Variants in HEYL observed in about 807,000 individuals in gnomAD.
HEYL encodes the protein hairy/enhancer-of-split related with YRPW motif-like protein.
Under a neutral mutation model 18.6 loss-of-function variants are expected in HEYL, and 12 were observed. That is an observed-to-expected ratio of 0.65 (90% CI 0.41 to 1.05). The LOEUF (loss-of-function observed/expected upper bound fraction) is 1.05. Among genes scored for constraint, HEYL ranks in the 50% least tolerant of loss-of-function variants. HEYL has a pLI of 0.00. For synonymous variants in HEYL, 159 were observed against 179.6 expected, an observed-to-expected ratio of 0.89 and a Z score of 0.91; for missense variants, 420 against 444.7, an observed-to-expected ratio of 0.94 and a Z score of 0.50.
At chr1:39,631,270 T>C (rs1442867133) in intron 3 of HEYL, among the ~76,000 whole-genome samples, 1 of 151,396 alleles carries the variant, frequency 6.6e-6, no homozygotes, top group Non-Finnish European at 1.5e-5. Flanking sequence ...TCCCTAACCT[T>C]TGGGATCATT....
At chr1:39,631,771 G>A (rs537141574) in intron 2 of HEYL, among the ~76,000 whole-genome samples, 192 bp from the exon 3 acceptor site, 4 of 152,328 alleles carry the variant, frequency 2.6e-5, no homozygotes, top group Non-Finnish European at 4.4e-5. Flanking sequence ...GCAAGAAAGC[G>A]CAGAGCTGGG....
intron 1 of HEYL, among the ~76,000 whole-genome samples, chr1:39,638,017 A>T (rs1266866086): frequency 1.3e-5 from 2 of 151,988 alleles, no homozygotes; most frequent in African/African-American, 4.8e-5. Context: ...TGAATTTGAG[A>T]CCCCGCTCCA....
At chr1:39,634,335 T>C (rs1570443713) in intron 1 of HEYL, among the ~76,000 whole-genome samples, 2 of 152,230 alleles carry the variant, frequency 1.3e-5, no homozygotes, top group East Asian at 3.8e-4. Flanking sequence ...CCTCAGGTGA[T>C]CTGCCCGCCT....
intron 4 of HEYL, among the ~76,000 whole-genome samples, chr1:39,627,450 A>G (rs1023839907): frequency 6.6e-6 from 1 of 152,290 alleles, no homozygotes; most frequent in African/African-American, 2.4e-5. Flanking sequence ...ATCACAATTC[A>G]TGATTAATGC....
chr1:39,637,373 G>A (rs1004547487), intron 1 of HEYL, among the ~76,000 whole-genome samples: 3 of 152,192 alleles, frequency 2.0e-5, no homozygotes, highest in Admixed American at 2.0e-4. Flanking sequence ...CCCTGACCCC[G>A]AGAGGCTGGC....
At chr1:39,633,050 C>G in intron 1 of HEYL, 1 of 961,944 alleles carries the variant, frequency 1.0e-6, no homozygotes, top group Non-Finnish European at 1.2e-6. Context: ...GGGCACTGGC[C>G]GGCGGCGGCG....
intron 4 of HEYL, among the ~76,000 whole-genome samples, chr1:39,628,496 C>G (rs936923748): frequency 1.3e-5 from 2 of 152,356 alleles, no homozygotes; most frequent in Non-Finnish European, 2.9e-5. Context: ...CCAGGTTGGT[C>G]TCGAACTCCT....
chr1:39,629,189 A>G (rs1440287380), intron 4 of HEYL, among the ~76,000 whole-genome samples: 1 of 152,248 alleles, frequency 6.6e-6, no homozygotes, highest in Non-Finnish European at 1.5e-5. Flanking sequence ...ATCAAATGAA[A>G]CAACACAAGT....
At chr1:39,633,143 C>T in intron 1 of HEYL, 1 of 983,378 alleles carries the variant, frequency 1.0e-6, no homozygotes, top group African/African-American at 1.7e-5. Flanking sequence ...TTCCCACGGG[C>T]CGGGCGCGCC....
intron 4 of HEYL, among the ~76,000 whole-genome samples, chr1:39,627,817 A>C (rs1646309270): frequency 6.6e-6 from 1 of 152,254 alleles, no homozygotes. Flanking sequence ...GGGTGAAATT[A>C]AAATAGTGCA....
At chr1:39,637,881 G>A (rs1272885869) in intron 1 of HEYL, among the ~76,000 whole-genome samples, 2 of 152,144 alleles carry the variant, frequency 1.3e-5, no homozygotes, top group African/African-American at 4.8e-5. Context: ...TCCTGTCCAT[G>A]GTGTTTTTAT....
intron 1 of HEYL, chr1:39,633,787 C>G (rs1646349060): frequency 6.6e-6 from 1 of 152,542 alleles, no homozygotes. Context: ...GTGAAGGTAC[C>G]CCAGTTCTGC....
chr1:39,628,323 A>G (rs1646312016), intron 4 of HEYL, among the ~76,000 whole-genome samples: 1 of 152,028 alleles, frequency 6.6e-6, no homozygotes. Context: ...TCTGTCCCCC[A>G]GGCTGGAGTG....
chr1:39,635,668 G>C (rs577866848), intron 1 of HEYL, among the ~76,000 whole-genome samples: 5 of 152,314 alleles, frequency 3.3e-5, no homozygotes, highest in Non-Finnish European at 7.4e-5. Context: ...AGCTAAAGCA[G>C]GTTGCCCAGC....
chr1:39,630,999 G>A (rs1277152779), intron 3 of HEYL, among the ~76,000 whole-genome samples: 3 of 152,214 alleles, frequency 2.0e-5, no homozygotes, highest in Non-Finnish European at 4.4e-5. Context: ...TTGGTGCATA[G>A]GGTGAGAATT....
At chr1:39,631,469 T>C (rs145971519) in intron 3 of HEYL, 27 bp downstream of exon 3, 32,938 of 1,604,800 alleles carry the variant, frequency 0.021, 408 homozygotes, top group Non-Finnish European at 0.024. Context: ...CAGTATTTCC[T>C]CTAGCACAAT....
rs754157225 is a variant in HEYL, at chr1:39,627,083, C to A, written c.411G>T (p.Gly137=). The A allele has an allele frequency of 4.3e-6, 7 of 1,614,020 alleles. No homozygotes were observed. In the Admixed American group the frequency reaches 1.2e-4, roughly 27 times the overall value. The part of the protein sequence containing the change: ...EVIRYLGVLE[G]PSSRADPVRI... Reference sequence around the variant, plus strand: ...GGACGGGGTCTGCACGGCTGCTGGGCCCTTCAAGGACCCCCAGGTACCTGA... The same window carrying A: ...GGACGGGGTCTGCACGGCTGCTGGGACCTTCAAGGACCCCCAGGTACCTGA... Residue 137 remains glycine (G), a synonymous_variant, in exon 5 of 5, where the codon GGG becomes GGT. Transcript: ENST00000372852.
At position 39,626,476 on chromosome 1, in the gene HEYL, A is replaced by T; in HGVS notation, c.*31T>A. On this transcript the variant is annotated 3_prime_UTR_variant, in exon 5 of 5. Transcript: ENST00000372852. ...GGCTCCTGGTAAAAGAACCTTCCTTATTCCTTGGGGCGGGGTGGTGAAGGG... is the reference window on the plus strand; with the variant it reads ...GGCTCCTGGTAAAAGAACCTTCCTTTTTCCTTGGGGCGGGGTGGTGAAGGG... 6.8e-7 allele frequency: 1 copy of T among 1,475,066 alleles called. No homozygotes were observed. Among genetic ancestry groups the T allele is most frequent in the Non-Finnish European group, 9.0e-7 (1 of 1,115,006 alleles). 91.4% of individuals were successfully genotyped at this position (1,475,066 alleles called of 1,614,324 possible). A position where few individuals can be genotyped will look rare whatever the true frequency, so the allele number is the denominator to read the frequency against.
At chr1:39,627,300 G>T in intron 4 of HEYL, 120 bp from the exon 5 acceptor site, 1 of 861,266 alleles carries the variant, frequency 1.2e-6, no homozygotes, top group Non-Finnish European at 1.8e-6. Context: ...CCGTGGCCAT[G>T]TCATCCTGCC....
Sources: gnomAD v4.1 joint callset for allele counts (sites outside exome capture counted in the v4.1 genomes callset) on GRCh38, gnomAD v4.1.1 for gene constraint, MANE v1.5 for transcripts, NCBI Gene and HGNC (gene_info 2026-07-23, HGNC 2026-07-21) for gene names.